The following KIF16B variants were observed in gnomAD, a reference collection of about 807,000 sequenced individuals.
KIF16B encodes the protein kinesin-like protein KIF16B.
In KIF16B, 98 loss-of-function variants were observed where a neutral mutation model predicts 156.3. The ratio of observed to expected loss-of-function variants is 0.63; its 90% CI spans 0.53 to 0.74. KIF16B has a LOEUF of 0.74. KIF16B is among the 30% of genes least tolerant of loss of function. The pLI, the probability that KIF16B is intolerant of heterozygous loss-of-function variation, is 0.00. For missense variants in KIF16B, 1,421 were observed against 1,606.5 expected (o/e 0.88, Z 1.97); for synonymous variants, 564 against 583.7 (o/e 0.97, Z 0.49).
intron 25 of KIF16B, among the ~76,000 whole-genome samples, chr20:16,291,369 G>C (rs545407440): frequency 1.3e-5 from 2 of 152,208 alleles, no homozygotes; most frequent in African/African-American, 2.4e-5. Context: ...AATGAAGAAT[G>C]GTGTTGATTA....
At chr20:16,390,509 C>T (rs1051814674) in intron 17 of KIF16B, among the ~76,000 whole-genome samples, 1 of 152,116 alleles carries the variant, frequency 6.6e-6, no homozygotes, top group Admixed American at 6.5e-5. Context: ...CCCCTCCATC[C>T]TATTTTACAG....
intron 24 of KIF16B, among the ~76,000 whole-genome samples, chr20:16,314,176 G>A (rs1296104288): frequency 6.6e-6 from 1 of 152,192 alleles, no homozygotes; most frequent in East Asian, 1.9e-4. Context: ...TCTGATGACT[G>A]ATGTTGTCAA....
intron 23 of KIF16B, among the ~76,000 whole-genome samples, chr20:16,346,122 G>C (rs1470636021): frequency 6.6e-6 from 1 of 152,204 alleles, no homozygotes; most frequent in East Asian, 1.9e-4. Flanking sequence ...TCCCCCTCCA[G>C]TGCAGTGGGC....
chr20:16,387,889 C>A (rs765427146), intron 17 of KIF16B, among the ~76,000 whole-genome samples: 1 of 151,926 alleles, frequency 6.6e-6, no homozygotes, highest in South Asian at 2.1e-4. Flanking sequence ...AGGGGAAGTA[C>A]GTGTATTAAG....
At chr20:16,471,445 A>T (rs947557517) in intron 12 of KIF16B, among the ~76,000 whole-genome samples, 2 of 152,190 alleles carry the variant, frequency 1.3e-5, no homozygotes, top group Non-Finnish European at 2.9e-5. Flanking sequence ...TGCCCCAATG[A>T]CATGATGGTA....
At chr20:16,449,497 C>T (rs1391988755) in intron 12 of KIF16B, among the ~76,000 whole-genome samples, 1 of 152,100 alleles carries the variant, frequency 6.6e-6, no homozygotes, top group Non-Finnish European at 1.5e-5. Flanking sequence ...GCAAAATCAC[C>T]AAAAGAAGGT....
At chr20:16,369,048 G>A in intron 22 of KIF16B, 3 of 985,812 alleles carry the variant, frequency 3.0e-6, no homozygotes, top group Non-Finnish European at 3.6e-6. Context: ...CACTGTCCTG[G>A]AATACCTCGG....
intron 12 of KIF16B, among the ~76,000 whole-genome samples, chr20:16,452,587 G>A (rs1003314453): frequency 6.6e-6 from 1 of 152,118 alleles, no homozygotes; most frequent in African/African-American, 2.4e-5. Context: ...TGTAATCCCA[G>A]CACTTTAGGA....
At chr20:16,317,878 T>C (rs150881141) in intron 24 of KIF16B, among the ~76,000 whole-genome samples, 5 of 152,254 alleles carry the variant, frequency 3.3e-5, no homozygotes, top group African/African-American at 1.2e-4. Flanking sequence ...GAGCAGGGGC[T>C]GTGAGAGGAG....
chr20:16,304,433 T>C (rs1349471157), intron 25 of KIF16B, among the ~76,000 whole-genome samples: 1 of 152,140 alleles, frequency 6.6e-6, no homozygotes, highest in Non-Finnish European at 1.5e-5. Flanking sequence ...GCCCCCACAC[T>C]CCAGTTCAGT....
chr20:16,375,106 A>G (rs1198601351), intron 19 of KIF16B, among the ~76,000 whole-genome samples: 1 of 152,196 alleles, frequency 6.6e-6, no homozygotes, highest in East Asian at 1.9e-4. Flanking sequence ...ATACATCTAT[A>G]TGAGGTCAAA....
intron 24 of KIF16B, among the ~76,000 whole-genome samples, chr20:16,315,038 G>A (rs6043884): frequency 1.3e-5 from 2 of 152,062 alleles, no homozygotes; most frequent in Non-Finnish European, 2.9e-5. Context: ...TGGCTGATGA[G>A]GTGATGTGGT....
chr20:16,479,210 A>T (rs1178217290), intron 12 of KIF16B, among the ~76,000 whole-genome samples: 1 of 152,204 alleles, frequency 6.6e-6, no homozygotes, highest in East Asian at 1.9e-4. Context: ...TTGCAGGGAC[A>T]TGGATGGAGC....
intron 24 of KIF16B, among the ~76,000 whole-genome samples, chr20:16,335,016 G>T (rs1286127158): frequency 2.0e-5 from 3 of 152,086 alleles, no homozygotes; most frequent in Non-Finnish European, 2.9e-5. Context: ...TTTTATATCA[G>T]ATTTTAAAAA....
intron 23 of KIF16B, among the ~76,000 whole-genome samples, chr20:16,355,857 A>G (rs117095512): frequency 3.3e-5 from 5 of 152,366 alleles, no homozygotes; most frequent in Non-Finnish European, 5.9e-5. Flanking sequence ...AATAGCTACA[A>G]TTTACTGTTT....
intron 25 of KIF16B, among the ~76,000 whole-genome samples, chr20:16,288,834 C>T (rs992334255): frequency 6.6e-6 from 1 of 151,972 alleles, no homozygotes; most frequent in Non-Finnish European, 1.5e-5. Flanking sequence ...TATTGGGATC[C>T]CATCATAAGT....
chr20:16,522,666 G>A (rs1262980430), intron 3 of KIF16B, among the ~76,000 whole-genome samples: 5 of 152,028 alleles, frequency 3.3e-5, no homozygotes, highest in Non-Finnish European at 2.9e-5. Context: ...TGGACCAAAC[G>A]GACCTAATAG....
At chr20:16,555,145 TCAC>T (rs919589070) in intron 1 of KIF16B, among the ~76,000 whole-genome samples, 18 of 152,294 alleles carry the variant, frequency 1.2e-4, no homozygotes, top group African/African-American at 4.3e-4. Context: ...CATACCAACA[TCAC>T]CACAATATTC....
At chr20:16,504,337 A>T in intron 10 of KIF16B, 35 bp downstream of exon 10, 1 of 1,604,924 alleles carries the variant, frequency 6.2e-7, no homozygotes. Flanking sequence ...CCATTACTCA[A>T]AGAAAATTAT....
Sources: allele counts gnomAD v4.1 joint callset (sites outside exome capture counted in the v4.1 genomes callset), GRCh38; gene constraint gnomAD v4.1.1; transcripts MANE v1.5; gene names NCBI Gene and HGNC (gene_info 2026-07-23, HGNC 2026-07-21).